SGCD: variants seen among roughly 807,000 people sequenced by gnomAD.
The protein encoded by SGCD is delta-sarcoglycan.
SGCD carries 18 observed loss-of-function variants against 36.6 expected under a neutral mutation model. That is an observed-to-expected ratio of 0.49 (90% CI 0.34 to 0.73). The LOEUF (loss-of-function observed/expected upper bound fraction) is 0.73, where lower values mean the gene tolerates loss of function less well. Ranked by LOEUF, SGCD falls within the 30% of genes least tolerant of loss-of-function variation. The pLI, the probability that SGCD is intolerant of heterozygous loss-of-function variation, is 0.01. For missense variants in SGCD, 387 were observed against 346.7 expected (o/e 1.12, Z -0.92); for synonymous variants, 133 against 130.6 (o/e 1.02, Z -0.12).
chr5:156,592,046 T>C (rs1461854175), intron 5 of SGCD, among the ~76,000 whole-genome samples: 1 of 152,192 alleles, frequency 6.6e-6, no homozygotes, highest in Non-Finnish European at 1.5e-5. Flanking sequence ...GTTCTCTGAT[T>C]GCTGAAGCAT....
intron 6 of SGCD, among the ~76,000 whole-genome samples, chr5:156,632,059 T>C (rs976552330): frequency 2.6e-5 from 4 of 152,244 alleles, no homozygotes; most frequent in African/African-American, 9.6e-5. Context: ...GATATGACCA[T>C]CCCTGGTGCT....
intron 4 of SGCD, among the ~76,000 whole-genome samples, chr5:156,523,966 AG>A (rs1757520552): frequency 6.6e-6 from 1 of 150,558 alleles, no homozygotes; most frequent in Admixed American, 6.6e-5. Flanking sequence ...TAGGTCCTTG[AG>A]AAACATTGTT....
At chr5:156,256,878 A>G (rs1311394895) in intron 3 of SGCD, among the ~76,000 whole-genome samples, 1 of 152,134 alleles carries the variant, frequency 6.6e-6, no homozygotes, top group Non-Finnish European at 1.5e-5. Context: ...TATAAAAATA[A>G]TGTTGGATAA....
chr5:155,840,878 G>T, the SGCD span, among the ~76,000 whole-genome samples: 1 of 151,686 alleles, frequency 6.6e-6, no homozygotes, highest in Non-Finnish European at 1.5e-5. Context: ...GGGCATGGTG[G>T]CACATGCCTG....
chr5:156,176,888 T>A (rs868606574), intron 3 of SGCD, among the ~76,000 whole-genome samples: 1 of 152,220 alleles, frequency 6.6e-6, no homozygotes, highest in Non-Finnish European at 1.5e-5. Context: ...GGGATGAGGA[T>A]TTTTAAAAGA....
chr5:155,757,791 A>C, the SGCD span, among the ~76,000 whole-genome samples: 2 of 152,122 alleles, frequency 1.3e-5, no homozygotes, highest in African/African-American at 4.8e-5. Context: ...TCTCCACTCA[A>C]ATCTCATCTT....
intron 3 of SGCD, among the ~76,000 whole-genome samples, chr5:156,259,980 A>G (rs1432730285): frequency 6.6e-6 from 1 of 152,208 alleles, no homozygotes; most frequent in East Asian, 1.9e-4. Flanking sequence ...TCATTTCTAT[A>G]TACTCTCAGG....
intron 1 of SGCD, among the ~76,000 whole-genome samples, chr5:155,970,657 A>T (rs567713711): frequency 2.0e-5 from 3 of 152,196 alleles, no homozygotes; most frequent in Admixed American, 6.5e-5. Flanking sequence ...GAGGACTGTC[A>T]TTTGAGTAGT....
intron 1 of SGCD, among the ~76,000 whole-genome samples, chr5:155,925,225 T>C (rs1756973376): frequency 6.6e-6 from 1 of 152,244 alleles, no homozygotes; most frequent in Non-Finnish European, 1.5e-5. Flanking sequence ...CTCCTTTTCT[T>C]GGGCTAAGAA....
intron 7 of SGCD, among the ~76,000 whole-genome samples, chr5:156,717,489 A>G (rs1275681990): frequency 6.6e-6 from 1 of 152,190 alleles, no homozygotes; most frequent in African/African-American, 2.4e-5. Flanking sequence ...TGAGTTAACA[A>G]TATCTTTATT....
chr5:156,654,206 C>G (rs1396037798), intron 7 of SGCD, among the ~76,000 whole-genome samples: 1 of 152,094 alleles, frequency 6.6e-6, no homozygotes, highest in East Asian at 1.9e-4. Flanking sequence ...CCTTTCTTCA[C>G]AGGGGAGGGG....
At chr5:156,547,441 C>CCTT (rs567266098) in intron 4 of SGCD, among the ~76,000 whole-genome samples, 2 of 145,186 alleles carry the variant, frequency 1.4e-5, no homozygotes, top group Non-Finnish European at 3.0e-5. Context: ...GATAATATGA[C>CCTT]TTTTTTTTTT....
Position 156,177,088 on chromosome 5 carries a change from G to A in SGCD, c.-44+53069G>A, listed in dbSNP as rs147967246. On this transcript the variant is annotated intron_variant, in intron 3 of 9. Transcript: ENST00000517913. ...GTGATCTCGGCTCACTGCAACCTCCGCCTCCTGGGTTCCAGCGATTCTTCT... is the reference window on the plus strand; with the variant it reads ...GTGATCTCGGCTCACTGCAACCTCCACCTCCTGGGTTCCAGCGATTCTTCT... Among the ~76,000 whole-genome samples, 163 of 152,138 alleles carry A rather than the reference G, an allele frequency of 1.1e-3. 1 individual carries two copies. In the Middle Eastern group the frequency reaches 0.017, roughly 16 times the overall value.
chr5:156,337,723 T>A (rs1768432228), intron 2 of SGCD, among the ~76,000 whole-genome samples: 1 of 152,226 alleles, frequency 6.6e-6, no homozygotes, highest in African/African-American at 2.4e-5. Flanking sequence ...ATTGTCCATC[T>A]CTCATTAAAA....
intron 3 of SGCD, among the ~76,000 whole-genome samples, chr5:156,229,072 A>G (rs1297427888): frequency 3.3e-5 from 5 of 151,570 alleles, no homozygotes; most frequent in African/African-American, 1.2e-4. Flanking sequence ...CTCAGCCTAC[A>G]TCTTTCTCCC....
rs1480487512 is a variant in SGCD at position 156,059,337 on chromosome 5, T to C, written c.-281-58541T>C. Among the ~76,000 whole-genome samples the C allele has an allele frequency of 8.9e-5, 13 of 146,314 alleles. 2 individuals are homozygous for C. Among genetic ancestry groups the C allele is most frequent in the African/African-American group, 7.4e-5 (3 of 40,646 alleles). On this transcript the variant is annotated intron_variant, in intron 1 of 9. Transcript: ENST00000517913. ...TCTTCCTCTGCTAAGGAAACTTGTA[T>C]TGTGAGAGAAGGCATTGTTGTCTCA...
chr5:156,155,604 G>A (rs1221420684), intron 3 of SGCD, among the ~76,000 whole-genome samples: 2 of 128,330 alleles, frequency 1.6e-5, no homozygotes, highest in South Asian at 2.9e-4. Flanking sequence ...TAGTAATGTC[G>A]TGGGCTAGGA....
intron 3 of SGCD, among the ~76,000 whole-genome samples, chr5:156,259,114 G>GTTTA (rs561763416): frequency 0.17 from 24,948 of 146,600 alleles, 2,131 homozygotes; most frequent in African/African-American, 0.19. Context: ...AACACTGGCT[G>GTTTA]TTTATTTATT....
At chr5:156,521,280 G>T (rs931605977) in intron 4 of SGCD, among the ~76,000 whole-genome samples, 1 of 152,100 alleles carries the variant, frequency 6.6e-6, no homozygotes, top group African/African-American at 2.4e-5. Context: ...TACCATTCAG[G>T]ACGTAGGCAT....
Sources: allele counts gnomAD v4.1 joint callset (sites outside exome capture counted in the v4.1 genomes callset), GRCh38; gene constraint gnomAD v4.1.1; transcripts MANE v1.5; gene names NCBI Gene and HGNC (gene_info 2026-07-23, HGNC 2026-07-21).